The following PAH variants were observed in gnomAD, a reference collection of about 807,000 sequenced individuals.
PAH encodes phenylalanine-4-hydroxylase.
A neutral mutation model predicts 62.0 loss-of-function variants in PAH; 64 were observed. The ratio of observed to expected loss-of-function variants is 1.03; its 90% CI spans 0.84 to 1.27. The LOEUF is 1.27. PAH is among the 50% of genes most tolerant of loss of function. The pLI is 0.00. For missense variants in PAH, 579 were observed against 542.8 expected, an observed-to-expected ratio of 1.07 and a Z score of -0.66; for synonymous variants, 195 against 196.2, an observed-to-expected ratio of 0.99 and a Z score of 0.05.
intron 5 of PAH, among the ~76,000 whole-genome samples, chr12:102,864,515 G>A (rs1409098484): frequency 6.6e-6 from 1 of 152,134 alleles, no homozygotes; most frequent in East Asian, 1.9e-4. Context: ...AACTGAGTGA[G>A]ACCTTGGTCA....
chr12:102,887,410 T>G (rs1422779822), intron 3 of PAH, among the ~76,000 whole-genome samples: 3 of 151,918 alleles, frequency 2.0e-5, no homozygotes, highest in African/African-American at 7.3e-5. Context: ...ATCCCACACA[T>G]GAAGTTGTCT....
At position 102,839,204 on chromosome 12, in the gene PAH, G is replaced by T. The variant is rs1402168594; in HGVS notation, c.1330C>A (p.Leu444Ile). ...ADSINSEIGI[L>I]CSALQKIK ...TTTATTTTCTGGAGGGCACTGCAAAGGATTCCAATTTCACCTACAAAGAAA... is the reference window on the plus strand; with the variant it reads ...TTTATTTTCTGGAGGGCACTGCAAATGATTCCAATTTCACCTACAAAGAAA... The change falls in exon 13 of 13, where the codon CTT becomes ATT. Residue 444 changes from leucine (L) to isoleucine (I), a missense_variant. Physicochemically the swap from Leu to Ile is conservative, Grantham distance 5. Coordinates refer to ENST00000553106, the MANE Select transcript of PAH (RefSeq NM_000277.3). The T allele has an allele frequency of 6.2e-7, 1 of 1,613,854 alleles. No individual in the cohort carries two copies. Among genetic ancestry groups the T allele is most frequent in the Middle Eastern group, 1.6e-4 (1 of 6,062 alleles).
intron 4 of PAH, among the ~76,000 whole-genome samples, chr12:102,870,053 G>A: frequency 6.6e-6 from 1 of 152,138 alleles, no homozygotes; most frequent in East Asian, 1.9e-4. Flanking sequence ...GAGGGGAGGG[G>A]ATAGAAGACG....
chr12:102,895,869 A>T (rs2133296), intron 2 of PAH, among the ~76,000 whole-genome samples: 22,579 of 117,230 alleles, frequency 0.19, 2,230 homozygotes, highest in Admixed American at 0.3. Context: ...AAAAAAAAAA[A>T]ATATATATAT....
intron 6 of PAH, chr12:102,854,885 C>T: frequency 1.8e-6 from 1 of 555,840 alleles, no homozygotes. Context: ...AAATACTTTT[C>T]AGGGACAGGT....
At chr12:102,922,462 G>A (rs71466245) in intron 1 of PAH, among the ~76,000 whole-genome samples, 16,556 of 152,124 alleles carry the variant, frequency 0.11, 1,061 homozygotes, top group East Asian at 0.15. Flanking sequence ...AAACTGCTGG[G>A]ATTACAGGCG....
At chr12:102,958,282 G>T in exon 1 of PAH, 2 of 1,476,078 alleles carry the variant, frequency 1.4e-6, no homozygotes, top group South Asian at 1.3e-5. Context: ...GGCGGCGCCG[G>T]CCAGCAGCCC....
chr12:102,922,855 A>G (rs1878591575), intron 1 of PAH, among the ~76,000 whole-genome samples: 2 of 152,216 alleles, frequency 1.3e-5, no homozygotes. Context: ...TTTATTATCC[A>G]TGTTGGAATG....
rs368974546 is a variant in PAH at position 102,908,949 on chromosome 12, C to A, written c.168+3842G>T. ...CTCTGTCTCCCTGGTTCAAGCAATT[C>A]TCCTGCCTCAGCCTCCCAAGTAGCT... On this transcript the variant is annotated intron_variant, in intron 2 of 12. Transcript: ENST00000553106. Among the ~76,000 whole-genome samples, 19 of 148,028 alleles carry A rather than the reference C, an allele frequency of 1.3e-4. 2 individuals are homozygous for A. Among genetic ancestry groups the A allele is most frequent in the Admixed American group, 8.3e-4 (12 of 14,380 alleles).
intron 5 of PAH, among the ~76,000 whole-genome samples, chr12:102,864,558 C>CA (rs1484967904): frequency 6.6e-6 from 1 of 151,980 alleles, no homozygotes. Flanking sequence ...AACGAAAGCA[C>CA]AAAAATGTTA....
chr12:102,845,508 A>T (rs1340540820), intron 9 of PAH, among the ~76,000 whole-genome samples: 1 of 152,144 alleles, frequency 6.6e-6, no homozygotes, highest in African/African-American at 2.4e-5. Context: ...TATGCAAATA[A>T]CCAAGTACTT....
At chr12:102,873,413 A>G (rs1192887912) in intron 4 of PAH, among the ~76,000 whole-genome samples, 2 of 152,166 alleles carry the variant, frequency 1.3e-5, no homozygotes, top group Non-Finnish European at 2.9e-5. Context: ...CCATTGGTGG[A>G]AGGAGGCTTG....
intron 4 of PAH, among the ~76,000 whole-genome samples, chr12:102,868,174 GTGTATATATATATA>G (rs1565855154): frequency 0.053 from 341 of 6,468 alleles, 83 homozygotes; most frequent in African/African-American, 0.093. Context: ...ATACATATAT[GTGTATATATATATA>G]TATATATATA....
At chr12:102,865,947 T>A (rs1875937406) in intron 5 of PAH, among the ~76,000 whole-genome samples, 1 of 152,160 alleles carries the variant, frequency 6.6e-6, no homozygotes, top group Admixed American at 6.5e-5. Flanking sequence ...GTCAAAACAC[T>A]AAGTTTCCCA....
chr12:102,939,703 C>A (rs1008935825), intron 1 of PAH, among the ~76,000 whole-genome samples: 2 of 152,214 alleles, frequency 1.3e-5, no homozygotes, highest in African/African-American at 4.8e-5. Context: ...AGAGCAGCCA[C>A]CCCACCCGTA....
intron 4 of PAH, among the ~76,000 whole-genome samples, chr12:102,867,914 TATATACATATATA>T (rs1444031620): frequency 1.4e-5 from 2 of 143,692 alleles, no homozygotes; most frequent in Non-Finnish European, 3.1e-5. Context: ...TATATACATG[TATATACATATATA>T]GATGTATATA....
rs1875973307 is a variant in PAH, at chr12:102,866,586, G to T, written c.509+10C>A. On this transcript the variant is annotated intron_variant, in intron 5 of 12. Transcript: ENST00000553106. ...TTCTCTCTTCCCCTCAACAAGCAAGGCAGACTTACTGGCGGTAGTTGTAGG... is the reference window on the plus strand; with the variant it reads ...TTCTCTCTTCCCCTCAACAAGCAAGTCAGACTTACTGGCGGTAGTTGTAGG... 1 of 1,609,686 alleles carries T rather than the reference G, an allele frequency of 6.2e-7. No individual in the cohort carries two copies. The highest frequency in any genetic ancestry group is 1.7e-5 in the Admixed American group (1 of 59,956).
At chr12:102,946,471 C>G (rs1331718935) in intron 1 of PAH, 1 of 152,266 alleles carries the variant, frequency 6.6e-6, no homozygotes, top group Non-Finnish European at 1.5e-5. Context: ...CTGGCTAGGC[C>G]TGGTCTAAAT....
chr12:102,890,363 C>T (rs1877226478), intron 3 of PAH, among the ~76,000 whole-genome samples: 1 of 152,166 alleles, frequency 6.6e-6, no homozygotes, highest in African/African-American at 2.4e-5. Flanking sequence ...CCCACTGAGT[C>T]CTATAGAAAG....
Sources: allele counts gnomAD v4.1 joint callset (sites outside exome capture counted in the v4.1 genomes callset), GRCh38; gene constraint gnomAD v4.1.1; transcripts MANE v1.5; gene names NCBI Gene and HGNC (gene_info 2026-07-23, HGNC 2026-07-21).